Variants in NHS observed in about 807,000 individuals in gnomAD.
NHS encodes actin remodeling regulator NHS.
In NHS, 5 loss-of-function variants were observed where a neutral mutation model predicts 72.5. The ratio of observed to expected loss-of-function variants is 0.07; its 90% confidence interval spans 0.04 to 0.14. The LOEUF is 0.14. Ranked by LOEUF, NHS falls within the 10% of genes least tolerant of loss-of-function variation. The pLI is 1.00. For synonymous variants in NHS, 464 were observed against 547.7 expected, an observed-to-expected ratio of 0.85 and a Z score of 2.13; for missense variants, 1,072 against 1,355.7, an observed-to-expected ratio of 0.79 and a Z score of 3.29.
At chrX:17,611,352 A>T (rs2065710402) in intron 1 of NHS, among the ~76,000 whole-genome samples, 1 of 111,859 alleles carries the variant, frequency 8.9e-6, no homozygotes, top group South Asian at 3.7e-4. Flanking sequence ...CTAGTTCCAG[A>T]GGCACCTTTC....
At chrX:17,656,903 C>T (rs183839017) in intron 1 of NHS, among the ~76,000 whole-genome samples, 1 of 112,647 alleles carries the variant, frequency 8.9e-6, no homozygotes, top group African/African-American at 3.2e-5. Flanking sequence ...GCTTGGTGCC[C>T]TCTCCTGTTT....
chrX:17,501,511 G>A (rs900950349), intron 1 of NHS, among the ~76,000 whole-genome samples: 16 of 111,887 alleles, frequency 1.4e-4, no homozygotes, highest in African/African-American at 5.2e-4. Flanking sequence ...GAGGCAGGAG[G>A]ATTGCTTGAG....
chrX:17,508,050 C>T (rs141892108), intron 1 of NHS, among the ~76,000 whole-genome samples: 58 of 111,176 alleles, frequency 5.2e-4, no homozygotes, highest in Non-Finnish European at 8.5e-4. Context: ...TTCATTGAGG[C>T]GAAATTTGCA....
chrX:17,516,903 G>A (rs1264952840), intron 1 of NHS, among the ~76,000 whole-genome samples: 1 of 112,325 alleles, frequency 8.9e-6, no homozygotes, highest in Non-Finnish European at 1.9e-5. Context: ...CCACATTTGT[G>A]TCATAATGGC....
At position 17,719,515 on chromosome X, in the gene NHS, G is replaced by A. The variant is rs937551784; in HGVS notation, c.915+109G>A. On this transcript the variant is annotated intron_variant, in intron 4 of 8. Coordinates refer to ENST00000676302, the MANE Select transcript of NHS (RefSeq NM_001291867.2). ...GAAAACTTTCTTGTTTCTAACTAAC[G>A]GTTTTTCTTTAAAATCAATTTAAAA... 1.9e-5 allele frequency: 11 copies of A among 591,650 alleles called. No homozygotes were observed. The African/African-American group carries it at 2.1e-4, about 11-fold the overall frequency. 48.8% of individuals were successfully genotyped at this position (591,650 alleles called of 1,213,427 possible).
intron 1 of NHS, among the ~76,000 whole-genome samples, chrX:17,558,100 G>T (rs2065390720): frequency 8.9e-6 from 1 of 112,183 alleles, no homozygotes; most frequent in Non-Finnish European, 1.9e-5. Context: ...CAGGAAGCAG[G>T]GATCATTGGG....
Position 17,727,287 on chromosome X carries a change from T to C in NHS, c.3181T>C (p.Ser1061Pro). ...AAAACCTAAAGTCCCAGAAAGAAAA[T>C]CCTCACTACAGCAACCCTCTTTAAA... ...KRKPKVPERK[S>P]SLQQPSLKDG... The change falls in exon 7 of 9, where the codon TCC becomes CCC. Residue 1061 changes from serine (S) to proline (P), a missense_variant. Ser to Pro is a moderately conservative substitution (Grantham distance 74). Transcript: ENST00000676302. The C allele has an allele frequency of 8.3e-7, 1 of 1,211,459 alleles. No homozygotes were observed.
At chrX:17,616,819 A>C (rs2065749665) in intron 1 of NHS, among the ~76,000 whole-genome samples, 1 of 112,627 alleles carries the variant, frequency 8.9e-6, no homozygotes, top group Non-Finnish European at 1.9e-5. Flanking sequence ...AAAATTAAAC[A>C]AAATTTTTAA....
chrX:17,733,755 GCT>G lies in NHS; in HGVS notation c.*1294_*1295del, dbSNP rs2066503760. On this transcript the variant is annotated 3_prime_UTR_variant, in exon 9 of 9. Coordinates refer to ENST00000676302, the MANE Select transcript of NHS (RefSeq NM_001291867.2). ...ATTGTTAAACTGGGAATGGGGAACA[GCT>G]CTGGTTCACAATACTACATACAACT... 1 of 111,885 alleles carries G rather than the reference GCT, an allele frequency of 8.9e-6. No individual in the cohort carries two copies. The allele number at this position is 111,885 out of a possible 1,213,427, so 9.2% of individuals were successfully genotyped here.
At chrX:17,450,470 A>C (rs2064800654) in intron 1 of NHS, among the ~76,000 whole-genome samples, 1 of 112,058 alleles carries the variant, frequency 8.9e-6, no homozygotes, top group Non-Finnish European at 1.9e-5. Context: ...GAAATTAGGC[A>C]CAGAGAGATG....
At chrX:17,579,647 C>T (rs899187302) in intron 1 of NHS, among the ~76,000 whole-genome samples, 4 of 111,395 alleles carry the variant, frequency 3.6e-5, no homozygotes, top group Non-Finnish European at 7.5e-5. Context: ...CGGATCCAGA[C>T]GGAAACAGTG....
At chrX:17,704,784 AACTTTCTTGCCAAGTCAGAAAT>A (rs1272384009) in intron 3 of NHS, among the ~76,000 whole-genome samples, 1 of 111,904 alleles carries the variant, frequency 8.9e-6, no homozygotes, top group Non-Finnish European at 1.9e-5. Flanking sequence ...CAGACCACAG[AACTTTCTTGCCAAGTCAGAAAT>A]ATATTCAATA....
intron 5 of NHS, among the ~76,000 whole-genome samples, 188 bp downstream of exon 5, chrX:17,721,821 G>A (rs774826328): frequency 9.0e-6 from 1 of 111,392 alleles, no homozygotes; most frequent in Non-Finnish European, 1.9e-5. Context: ...CATGTTTTCC[G>A]CGGGCCACTT....
intron 1 of NHS, among the ~76,000 whole-genome samples, chrX:17,622,635 C>T (rs967912237): frequency 6.2e-5 from 7 of 112,084 alleles, no homozygotes; most frequent in Non-Finnish European, 1.1e-4. Context: ...TGATAGCCTC[C>T]GGGCTGTTGG....
chrX:17,648,094 T>A (rs2065914323), intron 1 of NHS, among the ~76,000 whole-genome samples: 1 of 112,171 alleles, frequency 8.9e-6, no homozygotes, highest in African/African-American at 3.2e-5. Flanking sequence ...ACGGCATTAG[T>A]TAGCCTTTTC....
intron 3 of NHS, among the ~76,000 whole-genome samples, chrX:17,707,634 A>G (rs2066303734): frequency 9.0e-6 from 1 of 111,653 alleles, no homozygotes; most frequent in Non-Finnish European, 1.9e-5. Context: ...CAGGAAGAAA[A>G]AAACGGGTCT....
chrX:17,562,088 A>G lies in NHS; in HGVS notation c.566-125654A>G, dbSNP rs574381282. ...CTACTGTTCTGAAATTGTAGATTCT[A>G]TAAATGGGTTGGGAATGACCATCTT... On this transcript the variant is annotated intron_variant, in intron 1 of 8. Transcript: ENST00000676302. Among the ~76,000 whole-genome samples the G allele has an allele frequency of 7.2e-5, 8 of 111,660 alleles. No individual in the cohort carries two copies. In the South Asian group the frequency reaches 3.1e-3, roughly 43 times the overall value.
intron 1 of NHS, among the ~76,000 whole-genome samples, chrX:17,497,712 A>G (rs1479643096): frequency 8.9e-6 from 1 of 112,166 alleles, no homozygotes; most frequent in Non-Finnish European, 1.9e-5. Context: ...CATATAATGT[A>G]TGTGTCATTC....
At chrX:17,461,181 TTCCATG>T (rs1208502538) in intron 1 of NHS, among the ~76,000 whole-genome samples, 2 of 112,073 alleles carry the variant, frequency 1.8e-5, no homozygotes, top group Non-Finnish European at 3.8e-5. Flanking sequence ...CCACACAGAA[TTCCATG>T]TGATCCAAAG....
Sources: allele counts gnomAD v4.1 joint callset (sites outside exome capture counted in the v4.1 genomes callset), GRCh38; gene constraint gnomAD v4.1.1; transcripts MANE v1.5; gene names NCBI Gene and HGNC (gene_info 2026-07-23, HGNC 2026-07-21).